The following CSMD1 variants were observed in gnomAD, a reference collection of about 807,000 sequenced individuals.
CSMD1 encodes the protein CUB and sushi domain-containing protein 1.
A neutral mutation model predicts 417.5 loss-of-function variants in CSMD1; 213 were observed. That is an observed-to-expected ratio of 0.51 (90% CI 0.46 to 0.57). CSMD1 has a LOEUF of 0.57. Among genes scored for constraint, CSMD1 ranks in the 20% least tolerant of loss-of-function variants. CSMD1 has a pLI of 0.00. For synonymous variants in CSMD1, 2,862 were observed against 1,736.8 expected, an observed-to-expected ratio of 1.65 and a Z score of -16.11; for missense variants, 6,923 against 4,529.7, an observed-to-expected ratio of 1.53 and a Z score of -15.17.
intron 2 of CSMD1, among the ~76,000 whole-genome samples, chr8:4,460,897 G>T (rs1041820487): frequency 6.6e-6 from 1 of 152,076 alleles, no homozygotes; most frequent in African/African-American, 2.4e-5. Context: ...AAATAGAAGA[G>T]GGATCACATT....
intron 3 of CSMD1, among the ~76,000 whole-genome samples, chr8:4,305,147 C>G (rs1205138756): frequency 6.6e-6 from 1 of 152,296 alleles, no homozygotes; most frequent in Non-Finnish European, 1.5e-5. Flanking sequence ...GCATTGGTAT[C>G]TATTTTGAAA....
At chr8:4,274,140 C>G (rs756747695) in intron 3 of CSMD1, among the ~76,000 whole-genome samples, 35 of 152,082 alleles carry the variant, frequency 2.3e-4, no homozygotes, top group Admixed American at 5.3e-4. Context: ...AGAAGTGACT[C>G]TAATACTCAC....
At chr8:3,100,604 G>C (rs919920666) in intron 46 of CSMD1, among the ~76,000 whole-genome samples, 1 of 152,098 alleles carries the variant, frequency 6.6e-6, no homozygotes, top group African/African-American at 2.4e-5. Flanking sequence ...AAAAACACAC[G>C]TGAAAGCTTG....
At chr8:4,291,606 T>A (rs768606566) in intron 3 of CSMD1, among the ~76,000 whole-genome samples, 7 of 152,326 alleles carry the variant, frequency 4.6e-5, no homozygotes, top group Non-Finnish European at 7.3e-5. Flanking sequence ...CTGTGGTCAT[T>A]TTTCTTGTGA....
At chr8:4,706,030 T>A (rs1327786319) in intron 1 of CSMD1, among the ~76,000 whole-genome samples, 6 of 139,624 alleles carry the variant, frequency 4.3e-5, no homozygotes, top group Non-Finnish European at 8.2e-5. Flanking sequence ...AACAGTAATG[T>A]ATTTAAAATA....
At chr8:3,043,069 T>A (rs1026757447) in intron 50 of CSMD1, among the ~76,000 whole-genome samples, 2 of 151,200 alleles carry the variant, frequency 1.3e-5, no homozygotes, top group Admixed American at 6.6e-5. Flanking sequence ...TATAGTACTA[T>A]AATGCATATA....
chr8:4,362,586 A>C (rs1292973944), intron 3 of CSMD1, among the ~76,000 whole-genome samples: 1 of 152,202 alleles, frequency 6.6e-6, no homozygotes. Context: ...AGTGTAGCAC[A>C]AAATAGCTGC....
intron 8 of CSMD1, among the ~76,000 whole-genome samples, chr8:3,605,500 C>G (rs189265909): frequency 1.3e-5 from 2 of 152,180 alleles, no homozygotes; most frequent in African/African-American, 4.8e-5. Flanking sequence ...ATTAAGATAA[C>G]TGAATGTGGA....
chr8:4,980,391 G>A (rs1481122139), intron 1 of CSMD1, among the ~76,000 whole-genome samples: 1 of 152,206 alleles, frequency 6.6e-6, no homozygotes, highest in East Asian at 1.9e-4. Flanking sequence ...GGCGGAGTGA[G>A]ATGGAGAGGC....
chr8:4,154,100 G>A (rs1445822223), intron 3 of CSMD1, among the ~76,000 whole-genome samples: 1 of 152,196 alleles, frequency 6.6e-6, no homozygotes, highest in Non-Finnish European at 1.5e-5. Context: ...ATACAGCAAA[G>A]AGTCAGGAGT....
intron 1 of CSMD1, among the ~76,000 whole-genome samples, chr8:4,845,960 A>G (rs916665840): frequency 2.0e-5 from 3 of 152,240 alleles, no homozygotes. Flanking sequence ...ACAAAAGAAT[A>G]GAGAATCGGC....
chr8:3,236,491 T>C lies in CSMD1; in HGVS notation c.4154-6260A>G, dbSNP rs568909245. 3.9e-5 allele frequency among the ~76,000 whole-genome samples: 6 copies of C among 152,258 alleles called. No individual in the cohort carries two copies. The East Asian group carries it at 5.8e-4, about 15-fold the overall frequency. On this transcript the variant is annotated intron_variant, in intron 26 of 69. Transcript: ENST00000635120. ...TGTAGTGCAGAATACATCGGTTGGG[T>C]CTTTGAAACAAATTTCATTTTATTT...
At chr8:3,446,183 A>G (rs1013656202) in intron 12 of CSMD1, among the ~76,000 whole-genome samples, 1 of 151,426 alleles carries the variant, frequency 6.6e-6, no homozygotes. Context: ...AGAAAAGAGG[A>G]TGAGGGAGAA....
intron 6 of CSMD1, among the ~76,000 whole-genome samples, chr8:3,733,035 G>T (rs1160263891): frequency 6.6e-6 from 1 of 151,880 alleles, no homozygotes; most frequent in Non-Finnish European, 1.5e-5. Flanking sequence ...ATCTGACTTG[G>T]GAATATGTCA....
intron 52 of CSMD1, among the ~76,000 whole-genome samples, chr8:3,013,429 T>A (rs596332): frequency 4.9e-4 from 75 of 152,154 alleles, no homozygotes; most frequent in African/African-American, 1.6e-3. Flanking sequence ...GAATGACTAC[T>A]TTACTTTTCT....
intron 39 of CSMD1, among the ~76,000 whole-genome samples, chr8:3,155,646 C>A (rs775576000): frequency 6.6e-6 from 1 of 151,192 alleles, no homozygotes; most frequent in Non-Finnish European, 1.5e-5. Flanking sequence ...GGATTACAGG[C>A]GTGAGCCACC....
rs747981982 is a variant in CSMD1, at chr8:3,387,692, C to A, written c.2594-10G>T. On this transcript the variant is annotated splice_polypyrimidine_tract_variant and intron_variant, in intron 17 of 69. Transcript: ENST00000635120. ...GACTCAAGCGTCACACCTGGATGCACAGAACGAATGCAGTCGATGAGGATC... is the reference window on the plus strand; with the variant it reads ...GACTCAAGCGTCACACCTGGATGCAAAGAACGAATGCAGTCGATGAGGATC... 7.6e-6 allele frequency: 12 copies of A among 1,586,814 alleles called. 2 individuals carry two copies. Among genetic ancestry groups the A allele is most frequent in the South Asian group, 5.7e-5 (5 of 87,030 alleles).
chr8:4,510,596 C>T (rs935367085), intron 2 of CSMD1, among the ~76,000 whole-genome samples: 2 of 149,628 alleles, frequency 1.3e-5, no homozygotes, highest in African/African-American at 2.5e-5. Flanking sequence ...CGCTTCCTTC[C>T]TTCTTGCCTT....
chr8:4,039,700 C>G (rs542711045), intron 3 of CSMD1, among the ~76,000 whole-genome samples: 1 of 152,100 alleles, frequency 6.6e-6, no homozygotes, highest in Non-Finnish European at 1.5e-5. Flanking sequence ...TGTAAATATA[C>G]TTGAAGGTGG....
Sources: gnomAD v4.1 joint callset for allele counts (sites outside exome capture counted in the v4.1 genomes callset) on GRCh38, gnomAD v4.1.1 for gene constraint, MANE v1.5 for transcripts, NCBI Gene and HGNC (gene_info 2026-07-23, HGNC 2026-07-21) for gene names.